NT5DC4: variants seen among roughly 807,000 people sequenced by gnomAD.
NT5DC4 encodes the protein 5'-nucleotidase domain containing 4.
In NT5DC4, 44 loss-of-function variants were observed where a neutral mutation model predicts 26.6. That is an observed-to-expected ratio of 1.65 (90% CI 1.30 to 2.13). NT5DC4 has a LOEUF of 2.13. Among genes scored for constraint, NT5DC4 ranks in the 30% most tolerant of loss-of-function variants. The pLI, the probability that NT5DC4 is intolerant of heterozygous loss-of-function variation, is 0.00. For synonymous variants in NT5DC4, 157 were observed against 86.7 expected (o/e 1.81, Z -4.51); for missense variants, 399 against 228.1 (o/e 1.75, Z -4.83).
intron 15 of NT5DC4, among the ~76,000 whole-genome samples, chr2:112,727,917 C>T (rs554836332): frequency 6.6e-6 from 1 of 152,286 alleles, no homozygotes; most frequent in Admixed American, 6.5e-5. Flanking sequence ...TACACTGCCG[C>T]CTGCCTCGAC....
chr2:112,723,609 G>T lies in NT5DC4; in HGVS notation c.673-110G>T, dbSNP rs1201814767. 34 of 683,098 alleles carry T rather than the reference G, an allele frequency of 5.0e-5. No homozygotes were observed. The East Asian group carries it at 9.1e-4, about 18-fold the overall frequency. 42.3% of individuals were successfully genotyped at this position (683,098 alleles called of 1,614,324 possible). On this transcript the variant is annotated intron_variant, in intron 8 of 16. Coordinates refer to ENST00000688554, the MANE Select transcript of NT5DC4 (RefSeq NM_001393655.1). Reference sequence around the variant, plus strand: ...TGGGGATCTTTCTATGGGGCCTGGTGCCTACCTGCCTGGGCTGGGGTGGGC... The same window carrying T: ...TGGGGATCTTTCTATGGGGCCTGGTTCCTACCTGCCTGGGCTGGGGTGGGC...
chr2:112,721,870 G>T lies in NT5DC4; in HGVS notation c.127G>T (p.Asp43Tyr), dbSNP rs534058132. The T allele has an allele frequency of 1.8e-5, 13 of 717,206 alleles. No homozygotes were observed. Among genetic ancestry groups the T allele is most frequent in the Non-Finnish European group, 3.1e-5 (12 of 385,104 alleles). The allele number at this position is 717,206 out of a possible 1,614,324, so 44.4% of individuals were successfully genotyped here. Residue 43 changes from aspartate to tyrosine, a missense_variant, in exon 2 of 17, where the codon GAC (aspartate) becomes TAC (tyrosine). Asp to Tyr is a radical substitution (Grantham distance 160, BLOSUM62 -3). Coordinates refer to ENST00000688554, the MANE Select transcript of NT5DC4 (RefSeq NM_001393655.1). ...GGGGAAGATTCGTTGCTTTGGCTTC[G>T]ACATGGACTACACTCTGGCTGGTAG... ...ALGKIRCFGF[D>Y]MDYTLAAYKS...
chr2:112,740,884 GGT>G, downstream of NT5DC4: 1 of 1,613,604 alleles, frequency 6.2e-7, no homozygotes, highest in Non-Finnish European at 8.5e-7. Context: ...GGCTATTCGG[GGT>G]GTCGCCGTGA....
At chr2:112,742,623 T>C (rs1052776433), downstream of NT5DC4, 1 of 960,844 alleles carries the variant, frequency 1.0e-6, no homozygotes, top group South Asian at 1.4e-5. Flanking sequence ...GGGATGATTC[T>C]TTTCTTCTTT....
intron 14 of NT5DC4, 82 bp downstream of exon 14, chr2:112,726,371 G>A (rs547724763): frequency 7.0e-6 from 5 of 710,876 alleles, no homozygotes; most frequent in South Asian, 3.0e-5. Flanking sequence ...GCCTGGCGGC[G>A]AGGTCCCGGC....
At chr2:112,721,544 C>T in intron 1 of NT5DC4, 1 of 717,838 alleles carries the variant, frequency 1.4e-6, no homozygotes, top group Non-Finnish European at 2.6e-6. Context: ...AACATGCCTG[C>T]ATGGTGGGAC....
At chr2:112,742,014 T>C (rs1443671612), downstream of NT5DC4, among the ~76,000 whole-genome samples, 1 of 138,502 alleles carries the variant, frequency 7.2e-6, no homozygotes, top group African/African-American at 2.6e-5. Context: ...GGTCTCAAAC[T>C]CCTGACCTCA....
Position 112,722,505 on chromosome 2 carries a change from A to G in NT5DC4, c.385A>G (p.Ile129Val), listed in dbSNP as rs1035360238. ...CAGCCTACCCCTCCTCAGGGCAGAG[A>G]TCTGGAGCTTCTACCCCAGCAAGTT... ...LSDLPLLRAE[I>V]WSFYPSKFIQ... The change falls in exon 5 of 17, where the codon ATC becomes GTC. Residue 129 changes from isoleucine to valine, a missense_variant. Physicochemically the swap from Ile to Val is conservative, Grantham distance 29. Coordinates refer to ENST00000688554, the MANE Select transcript of NT5DC4 (RefSeq NM_001393655.1). 13 of 717,208 alleles carry G rather than the reference A, an allele frequency of 1.8e-5. No individual in the cohort carries two copies. Among genetic ancestry groups the G allele is most frequent in the African/African-American group, 3.5e-5 (2 of 57,240 alleles). 44.4% of individuals were successfully genotyped at this position (717,208 alleles called of 1,614,324 possible). A position where few individuals can be genotyped will look rare whatever the true frequency, so the allele number is the denominator to read the frequency against.
At chr2:112,742,859 A>T, downstream of NT5DC4, 1 of 820,006 alleles carries the variant, frequency 1.2e-6, no homozygotes, top group Non-Finnish European at 2.0e-6. Context: ...CATGTTTTAT[A>T]ATAAAAGTTT....
chr2:112,728,335 G>T (rs1334665227), intron 15 of NT5DC4, among the ~76,000 whole-genome samples: 2 of 152,188 alleles, frequency 1.3e-5, no homozygotes, highest in Non-Finnish European at 2.9e-5. Flanking sequence ...CGAAGGGGTG[G>T]AGGAGGCAGC....
intron 15 of NT5DC4, 140 bp from the exon 16 acceptor site, chr2:112,729,487 C>T (rs117658086): frequency 0.019 from 11,889 of 634,160 alleles, 393 homozygotes; most frequent in Admixed American, 0.093. Flanking sequence ...GCTGACCTTC[C>T]GAGGTTCCTT....
rs1185142250 is a variant in NT5DC4 at position 112,722,262 on chromosome 2, T to C, written c.346T>C (p.Phe116Leu). 1.4e-6 allele frequency: 1 copy of C among 716,908 alleles called. No individual in the cohort carries two copies. Among genetic ancestry groups the C allele is most frequent in the Non-Finnish European group, 2.6e-6 (1 of 385,084 alleles). 44.4% of individuals were successfully genotyped at this position (716,908 alleles called of 1,614,324 possible). A position where few individuals can be genotyped will look rare whatever the true frequency, so the allele number is the denominator to read the frequency against. The change falls in exon 4 of 17, where the codon TTC becomes CTC. Residue 116 changes from phenylalanine to leucine, a missense_variant. By Grantham distance (22) the Phe-to-Leu change is conservative (BLOSUM62 0). Coordinates refer to ENST00000688554, the MANE Select transcript of NT5DC4 (RefSeq NM_001393655.1). ...GAATGTGCTGCTGGGTGCCTATGGCTTCACCTTCCTCTCGGAGTAAGGGAC... is the reference window on the plus strand; with the variant it reads ...GAATGTGCTGCTGGGTGCCTATGGCCTCACCTTCCTCTCGGAGTAAGGGAC... Reference protein sequence around the residue: ...HGNVLLGAYGFTFLSDLPLLR... With the variant: ...HGNVLLGAYGLTFLSDLPLLR...
In NT5DC4 at chr2:112,726,683, T is replaced by TGGATGGGAGC; in HGVS notation, c.1212_1221dup (p.Ser408GlyfsTer6). ...CCTAGCTATTTTTGTACCAGGCACA[T>TGGATGGGAGC]GGATGGGAGCAGTTGTGAGCTGCAA... On this transcript the variant is annotated frameshift_variant, in exon 15 of 17. Coordinates refer to ENST00000688554, the MANE Select transcript of NT5DC4 (RefSeq NM_001393655.1). LOFTEE classifies it high-confidence loss of function. The TGGATGGGAGC allele has an allele frequency of 1.4e-6, 1 of 717,430 alleles. No homozygotes were observed. The highest frequency in any genetic ancestry group is 2.6e-6 in the Non-Finnish European group (1 of 385,064). The allele number at this position is 717,430 out of a possible 1,614,324, so 44.4% of individuals were successfully genotyped here. A position where few individuals can be genotyped will look rare whatever the true frequency, so the allele number is the denominator to read the frequency against.
intron 1 of NT5DC4, 129 bp from the exon 2 acceptor site, chr2:112,721,688 TC>T (rs1397534422): frequency 1.4e-6 from 1 of 714,918 alleles, no homozygotes; most frequent in Non-Finnish European, 2.6e-6. Flanking sequence ...CTGACCTGCT[TC>T]CCCTGTGCTT....
downstream of NT5DC4, chr2:112,742,386 T>C (rs1470693445): frequency 1.4e-6 from 1 of 717,474 alleles, no homozygotes; most frequent in Non-Finnish European, 2.6e-6. Flanking sequence ...ACATGTAACT[T>C]AAGGCATTTC....
intron 4 of NT5DC4, 25 bp downstream of exon 4, chr2:112,722,303 G>A: frequency 1.4e-6 from 1 of 716,968 alleles, no homozygotes; most frequent in Non-Finnish European, 2.6e-6. Context: ...TGCCGGGAGA[G>A]TGGCAGGCCA....
chr2:112,724,248 T>C (rs1376092584), intron 10 of NT5DC4, 122 bp downstream of exon 10: 3 of 696,018 alleles, frequency 4.3e-6, no homozygotes, highest in African/African-American at 3.5e-5. Flanking sequence ...AAGACCTGAG[T>C]GTGTGAGTGG....
rs1677029841 is a variant in NT5DC4 at position 112,722,506 on chromosome 2, T to A, written c.386T>A (p.Ile129Asn). ...AGCCTACCCCTCCTCAGGGCAGAGA[T>A]CTGGAGCTTCTACCCCAGCAAGTTC... ...LSDLPLLRAE[I>N]WSFYPSKFIQ... The change falls in exon 5 of 17, where the codon ATC becomes AAC. Residue 129 changes from isoleucine to asparagine, a missense_variant. By Grantham distance (149) the Ile-to-Asn change is moderately radical (BLOSUM62 -3). Transcript: ENST00000688554. 2.8e-6 allele frequency: 2 copies of A among 717,294 alleles called. No homozygotes were observed. 44.4% of individuals were successfully genotyped at this position (717,294 alleles called of 1,614,324 possible).
At chr2:112,735,271 C>T (rs978385635) in intron 16 of NT5DC4, among the ~76,000 whole-genome samples, 3 of 151,048 alleles carry the variant, frequency 2.0e-5, no homozygotes, top group Non-Finnish European at 4.4e-5. Context: ...CTCAAACTCC[C>T]GACATCAAAT....
Sources: gnomAD v4.1 joint callset for allele counts (sites outside exome capture counted in the v4.1 genomes callset) on GRCh38, gnomAD v4.1.1 for gene constraint, MANE v1.5 for transcripts, NCBI Gene and HGNC (gene_info 2026-07-23, HGNC 2026-07-21) for gene names.